The following FOXN3 variants were observed in gnomAD, a reference collection of about 807,000 sequenced individuals.
FOXN3 encodes the protein forkhead box protein N3.
In FOXN3, 7 loss-of-function variants were observed where a neutral mutation model predicts 38.4. The observed-to-expected ratio is 0.18, with a 90% CI of 0.10 to 0.34. The LOEUF is 0.34. Ranked by LOEUF, FOXN3 falls within the 10% of genes least tolerant of loss-of-function variation. The pLI is 1.00. For synonymous variants in FOXN3, 230 were observed against 242.2 expected, an observed-to-expected ratio of 0.95 and a Z score of 0.47; for missense variants, 456 against 613.4, an observed-to-expected ratio of 0.74 and a Z score of 2.71.
chr14:89,216,930 C>T (rs1289965506), intron 4 of FOXN3, among the ~76,000 whole-genome samples: 2 of 152,186 alleles, frequency 1.3e-5, no homozygotes, highest in African/African-American at 4.8e-5. Flanking sequence ...TTCTTGAGGG[C>T]AAGGAGTGTG....
intron 1 of FOXN3, among the ~76,000 whole-genome samples, chr14:89,462,948 T>G (rs12878878): frequency 0.47 from 70,339 of 149,986 alleles, 16,709 homozygotes; most frequent in Middle Eastern, 0.51. Flanking sequence ...CCTCCCAAAG[T>G]GCTGGGATTA....
At chr14:89,516,440 A>T (rs1411224826) in intron 1 of FOXN3, among the ~76,000 whole-genome samples, 1 of 152,190 alleles carries the variant, frequency 6.6e-6, no homozygotes, top group Non-Finnish European at 1.5e-5. Context: ...CTGCTGTAAC[A>T]TAAGTTCTGA....
At position 89,161,600 on chromosome 14, in the gene FOXN3, T is replaced by TGTGTGC. The variant is rs530463007; in HGVS notation, c.*813_*814insGCACAC. The TGTGTGC allele has an allele frequency of 1.5e-3, 225 of 147,512 alleles. 1 individual carries two copies. Among genetic ancestry groups the TGTGTGC allele is most frequent in the East Asian group, 2.0e-3 (10 of 4,956 alleles). 9.1% of individuals were successfully genotyped at this position (147,512 alleles called of 1,614,324 possible). On this transcript the variant is annotated 3_prime_UTR_variant, in exon 6 of 6. Coordinates refer to ENST00000557258, the MANE Select transcript of FOXN3 (RefSeq NM_005197.4). ...GTGTGTGTGTGTGTGTGTGTGTGCG[T>TGTGTGC]GCGTGCACAGGGCCAATCTTCAGGC...
At chr14:89,316,950 C>A (rs185385265) in intron 3 of FOXN3, among the ~76,000 whole-genome samples, 1 of 152,272 alleles carries the variant, frequency 6.6e-6, no homozygotes, top group Non-Finnish European at 1.5e-5. Flanking sequence ...CAGGAGTGAG[C>A]CACCACACCC....
chr14:89,538,136 T>A (rs1198294158), intron 1 of FOXN3, among the ~76,000 whole-genome samples: 1 of 152,076 alleles, frequency 6.6e-6, no homozygotes, highest in African/African-American at 2.4e-5. Context: ...AAAGAGGGGG[T>A]TAATCACTTG....
chr14:89,562,299 C>T (rs527257700), intron 1 of FOXN3, among the ~76,000 whole-genome samples: 3 of 152,156 alleles, frequency 2.0e-5, no homozygotes, highest in East Asian at 3.9e-4. Context: ...CTTGCTCTGT[C>T]GCCCAGGCTG....
At chr14:89,352,854 G>A (rs1274113378) in intron 2 of FOXN3, among the ~76,000 whole-genome samples, 1 of 152,134 alleles carries the variant, frequency 6.6e-6, no homozygotes, top group Non-Finnish European at 1.5e-5. Context: ...TTTGTTTACT[G>A]TACCCTTGTA....
chr14:89,570,990 C>G (rs1895477517), intron 1 of FOXN3, among the ~76,000 whole-genome samples: 1 of 152,102 alleles, frequency 6.6e-6, no homozygotes, highest in South Asian at 2.1e-4. Flanking sequence ...CCAGAATGAC[C>G]TAGACATTTA....
At chr14:89,465,436 G>C (rs1425866117) in intron 1 of FOXN3, among the ~76,000 whole-genome samples, 1 of 151,980 alleles carries the variant, frequency 6.6e-6, no homozygotes, top group Non-Finnish European at 1.5e-5. Flanking sequence ...CAACACATTG[G>C]GTAGGATGGT....
rs1373535425 is a variant in FOXN3 at position 89,158,601 on chromosome 14, A to G, written c.*3813T>C. ...ACTGATTAGGGAGGGGCAGGGAAGT[A>G]GGAGCTTATGGTATATTATAAGGCT... On this transcript the variant is annotated 3_prime_UTR_variant, in exon 6 of 6. Transcript: ENST00000557258. The G allele has an allele frequency of 1.3e-5, 2 of 152,650 alleles. No homozygotes were observed. Among genetic ancestry groups the G allele is most frequent in the African/African-American group, 4.8e-5 (2 of 41,450 alleles). 9.5% of individuals were successfully genotyped at this position (152,650 alleles called of 1,614,324 possible). A position where few individuals can be genotyped will look rare whatever the true frequency, so the allele number is the denominator to read the frequency against.
chr14:89,506,005 C>T (rs928235580), intron 1 of FOXN3, among the ~76,000 whole-genome samples: 1 of 150,988 alleles, frequency 6.6e-6, no homozygotes, highest in South Asian at 2.1e-4. Context: ...CTGGCAGCCA[C>T]CCCGTCCGGG....
intron 1 of FOXN3, among the ~76,000 whole-genome samples, chr14:89,575,813 G>A (rs940559323): frequency 3.3e-5 from 5 of 152,190 alleles, no homozygotes; most frequent in Admixed American, 6.5e-5. Flanking sequence ...AGGCAAAGTC[G>A]TGGCCATGTG....
intron 3 of FOXN3, among the ~76,000 whole-genome samples, chr14:89,341,845 G>C (rs914973660): frequency 1.4e-4 from 22 of 152,102 alleles, no homozygotes; most frequent in South Asian, 2.1e-4. Context: ...GAATGCAGGT[G>C]AGCCCCACTT....
At chr14:89,332,654 T>C (rs1341479472) in intron 3 of FOXN3, among the ~76,000 whole-genome samples, 1 of 152,218 alleles carries the variant, frequency 6.6e-6, no homozygotes, top group Admixed American at 6.5e-5. Context: ...TGGCGATGAT[T>C]TTTTGGATAC....
At chr14:89,494,639 T>C (rs1464494652) in intron 1 of FOXN3, among the ~76,000 whole-genome samples, 1 of 152,276 alleles carries the variant, frequency 6.6e-6, no homozygotes, top group Non-Finnish European at 1.5e-5. Context: ...ATCAGAAATG[T>C]ACCTTCTCAG....
In FOXN3 at chr14:89,184,608, C is replaced by T. The variant is rs1367598775; in HGVS notation, c.746-3802G>A. ...TTAAGAGTGTGAGCTCTGAGCCACA[C>T]AGCCTCAGTTTGGCCTTGCCCCGTT... is the stretch of plus-strand genomic sequence containing the variant. On this transcript the variant is annotated intron_variant, in intron 4 of 5. Coordinates refer to ENST00000557258, the MANE Select transcript of FOXN3 (RefSeq NM_005197.4). Among the ~76,000 whole-genome samples, 4 of 152,256 alleles carry T rather than the reference C, an allele frequency of 2.6e-5. No individual in the cohort carries two copies. The East Asian group carries it at 7.7e-4, about 29-fold the overall frequency.
At chr14:89,459,263 G>C (rs760497441) in intron 1 of FOXN3, among the ~76,000 whole-genome samples, 8 of 152,226 alleles carry the variant, frequency 5.3e-5, no homozygotes, top group African/African-American at 1.9e-4. Context: ...CTTCAAACCA[G>C]TAGGGGCTTG....
At chr14:89,602,306 C>T (rs913064439) in intron 1 of FOXN3, among the ~76,000 whole-genome samples, 2 of 149,708 alleles carry the variant, frequency 1.3e-5, no homozygotes, top group Non-Finnish European at 3.0e-5. Flanking sequence ...AAAACACATG[C>T]GAAAGAAAAA....
intron 1 of FOXN3, among the ~76,000 whole-genome samples, chr14:89,567,417 G>C (rs1414823987): frequency 7.1e-6 from 1 of 140,634 alleles, no homozygotes; most frequent in Non-Finnish European, 1.6e-5. Context: ...ACTAAGGGAA[G>C]ACTGTACTAG....
Sources: gnomAD v4.1 joint callset for allele counts (sites outside exome capture counted in the v4.1 genomes callset) on GRCh38, gnomAD v4.1.1 for gene constraint, MANE v1.5 for transcripts, NCBI Gene and HGNC (gene_info 2026-07-23, HGNC 2026-07-21) for gene names.